Variants in LILRB4 observed in about 807,000 individuals in gnomAD.
LILRB4 encodes leukocyte immunoglobulin like receptor B4, also known as leukocyte immunoglobulin-like receptor subfamily B member 4.
In LILRB4, 49 loss-of-function variants were observed where a neutral mutation model predicts 55.2. That is an observed-to-expected ratio of 0.89 (90% confidence interval 0.71 to 1.13). The LOEUF is 1.13. LILRB4 is among the 50% of genes most tolerant of loss of function. The pLI is 0.00. For missense variants in LILRB4, 590 were observed against 555.2 expected, an observed-to-expected ratio of 1.06 and a Z score of -0.63; for synonymous variants, 229 against 213.8, an observed-to-expected ratio of 1.07 and a Z score of -0.62.
At chr19:54,667,736 G>A (rs2065355528) in exon 11 of LILRB4, 14 of 1,611,424 alleles carry the variant, frequency 8.7e-6, no homozygotes, top group Non-Finnish European at 1.2e-5. Flanking sequence ...CACTGTCTGG[G>A]GAATTCCTGG....
intron 4 of LILRB4, 66 bp from the exon 5 acceptor site, chr19:54,664,733 T>A: frequency 7.8e-7 from 1 of 1,280,726 alleles, no homozygotes; most frequent in Non-Finnish European, 1.1e-6. Flanking sequence ...TAGGGAGAGG[T>A]TCAATTTGAT....
intron 4 of LILRB4, 47 bp downstream of exon 4, chr19:54,664,532 T>A (rs7253814): frequency 0.066 from 101,718 of 1,537,560 alleles, 3,891 homozygotes; most frequent in African/African-American, 0.17. Context: ...GCTCCGTTCA[T>A]GCCCTGCTGC....
chr19:54,666,514 A>G lies in LILRB4; in HGVS notation c.988+78A>G, dbSNP rs1399522329. On this transcript the variant is annotated intron_variant, in intron 9 of 11. Coordinates refer to ENST00000430952, the Ensembl canonical transcript of LILRB4. The surrounding 1 kb of genome is among the most constrained non-coding windows in gnomAD (Gnocchi z 4.8). The stretch of plus-strand genomic sequence containing the variant: ...TTTCAATAGCAATGGGGGCAGGAGC[A>G]CAGGCTAGGATTGGTCAGGGACTCA... 7.7e-6 allele frequency: 12 copies of G among 1,553,994 alleles called. No individual in the cohort carries two copies. In the Admixed American group the frequency reaches 2.0e-4, roughly 26 times the overall value.
At chr19:54,664,289 T>C (rs3745871) in exon 4 of LILRB4, 1,012,394 of 1,613,842 alleles carry the variant, frequency 0.63, 319,685 homozygotes, top group African/African-American at 0.69. Context: ...TGGACACTTT[T>C]CTTCTGATCA....
chr19:54,665,887 T>C lies in LILRB4; in HGVS notation c.830T>C (p.Phe277Ser), dbSNP rs1180436376. Reference sequence around the variant, plus strand: ...ATCCTGCTTCTCTCCCTCCTCCTCTTCCTCCTCCTCCAACACTGGCGTCAG... The same window carrying C: ...ATCCTGCTTCTCTCCCTCCTCCTCTCCCTCCTCCTCCAACACTGGCGTCAG... Residue 277 changes from phenylalanine (F) to serine (S), a missense_variant, in exon 7 of 12, where the codon TTC becomes TCC. Coordinates refer to ENST00000430952, the Ensembl canonical transcript of LILRB4. The surrounding 1 kb of genome is among the most constrained non-coding windows in gnomAD (Gnocchi z 5.5). The C allele has an allele frequency of 1.2e-6, 2 of 1,612,956 alleles. No homozygotes were observed. The highest frequency in any genetic ancestry group is 1.3e-5 in the African/African-American group (1 of 74,642).
chr19:54,666,852 G>C lies in LILRB4; in HGVS notation c.1041+103G>C, dbSNP rs41308756. 1 of 1,140,652 alleles carries C rather than the reference G, an allele frequency of 8.8e-7. No homozygotes were observed. Among genetic ancestry groups the C allele is most frequent in the African/African-American group, 1.5e-5 (1 of 65,936 alleles). The allele number at this position is 1,140,652 out of a possible 1,614,324, so 70.7% of individuals were successfully genotyped here. ...TTCCCCCGGCTCTCAGCATCGTCACGGTGGACCCCTCCTTGTCCAGCACGC... is the reference window on the plus strand; with the variant it reads ...TTCCCCCGGCTCTCAGCATCGTCACCGTGGACCCCTCCTTGTCCAGCACGC... On this transcript the variant is annotated intron_variant, in intron 10 of 11. Transcript: ENST00000430952. The surrounding 1 kb of genome is among the most constrained non-coding windows in gnomAD (Gnocchi z 4.8).
At position 54,666,542 on chromosome 19, in the gene LILRB4, G is replaced by C; in HGVS notation, c.988+106G>C. On this transcript the variant is annotated intron_variant, in intron 9 of 11. Coordinates refer to ENST00000430952, the Ensembl canonical transcript of LILRB4. This position sits in a 1 kb window ranked among gnomAD's most constrained non-coding sequence, Gnocchi z 4.8. ...GGCTAGGATTGGTCAGGGACTCAGGGAGAAGTGGTCTGAACCCACATTGTG... is the reference window on the plus strand; with the variant it reads ...GGCTAGGATTGGTCAGGGACTCAGGCAGAAGTGGTCTGAACCCACATTGTG... 6.7e-7 allele frequency: 1 copy of C among 1,490,194 alleles called. No individual in the cohort carries two copies. The highest frequency in any genetic ancestry group is 1.8e-5 in the Admixed American group (1 of 56,776). 92.3% of individuals were successfully genotyped at this position (1,490,194 alleles called of 1,614,324 possible). A position where few individuals can be genotyped will look rare whatever the true frequency, so the allele number is the denominator to read the frequency against.
Position 54,663,077 on chromosome 19 carries a change from A to C in LILRB4, c.34+10A>C. The C allele has an allele frequency of 1.9e-6, 3 of 1,611,288 alleles. No individual in the cohort carries two copies. The highest frequency in any genetic ancestry group is 2.5e-6 in the Non-Finnish European group (3 of 1,178,340). ...GCTCTGCTCTGCCTCGGTGAGATTT[A>C]AAGAGGGGGAGGGGAGACCCGAGTC... On this transcript the variant is annotated intron_variant, in intron 1 of 11. Transcript: ENST00000430952.
At chr19:54,667,487 G>C (rs995769233) in intron 10 of LILRB4, 148 bp from the exon 11 acceptor site, 141 of 1,425,712 alleles carry the variant, frequency 9.9e-5, no homozygotes, top group Non-Finnish European at 1.2e-4. Context: ...CACAGGGAGG[G>C]AGCGGCCAGA....
At position 54,667,457 on chromosome 19, in the gene LILRB4, T is replaced by G. The variant is rs539390778; in HGVS notation, c.1042-181T>G. 286 of 1,289,290 alleles carry G rather than the reference T, an allele frequency of 2.2e-4. No individual in the cohort carries two copies. The African/African-American group carries it at 3.8e-3, about 17-fold the overall frequency. The allele number at this position is 1,289,290 out of a possible 1,614,324, so 79.9% of individuals were successfully genotyped here. ...TGCAGCCAAATGGGCAAGGTCAGAG[T>G]GAGGAGCAGAGACCAGAACCACAGG... On this transcript the variant is annotated intron_variant, in intron 10 of 11. Coordinates refer to ENST00000430952, the Ensembl canonical transcript of LILRB4.
At chr19:54,663,757 C>A (rs755568653) in exon 3 of LILRB4, 1 of 1,613,970 alleles carries the variant, frequency 6.2e-7, no homozygotes. Context: ...CTTCCAGGGC[C>A]CCTCCCCAAA....
rs1328702878 is a variant in LILRB4 at position 54,665,886 on chromosome 19, T to TTCC, written c.839_841dup (p.Leu280dup). 1.9e-6 allele frequency: 3 copies of TTCC among 1,613,468 alleles called. No homozygotes were observed. Among genetic ancestry groups the TTCC allele is most frequent in the Admixed American group, 1.7e-5 (1 of 59,952 alleles). On this transcript the variant is annotated inframe_insertion, in exon 7 of 12. Coordinates refer to ENST00000430952, the Ensembl canonical transcript of LILRB4. This position sits in a 1 kb window ranked among gnomAD's most constrained non-coding sequence, Gnocchi z 5.5. ...CATCCTGCTTCTCTCCCTCCTCCTCTTCCTCCTCCTCCAACACTGGCGTCA... is the reference window on the plus strand; with the variant it reads ...CATCCTGCTTCTCTCCCTCCTCCTCTTCCTCCTCCTCCTCCAACACTGGCGTCA...
In LILRB4 at chr19:54,666,449, C is replaced by T. The variant is rs772626115; in HGVS notation, c.988+13C>T. On this transcript the variant is annotated intron_variant, in intron 9 of 11. Transcript: ENST00000430952. This position sits in a 1 kb window ranked among gnomAD's most constrained non-coding sequence, Gnocchi z 4.8. ...GGAGAAAACTTCTGTGAGTGAGAGG[C>T]AGAGAAGGTGCACCTGGGGTGGAGC... The T allele has an allele frequency of 8.7e-6, 14 of 1,613,906 alleles. No individual in the cohort carries two copies. In the African/African-American group the frequency reaches 1.3e-4, roughly 15 times the overall value.
At chr19:54,663,125 C>CCAGG in intron 1 of LILRB4, 58 bp downstream of exon 1, 3 of 1,575,932 alleles carry the variant, frequency 1.9e-6, no homozygotes, top group Non-Finnish European at 2.6e-6. Context: ...TGCCTCACAG[C>CCAGG]CAGGCCCTGG....
chr19:54,663,339 G>A (rs1241788614), intron 1 of LILRB4, among the ~76,000 whole-genome samples, 193 bp from the exon 2 acceptor site: 2 of 151,218 alleles, frequency 1.3e-5, no homozygotes, highest in South Asian at 2.1e-4. Context: ...CCAGCCACTC[G>A]GGAGGCTGAG....
chr19:54,666,384 C>T lies in LILRB4; in HGVS notation c.951-15C>T, dbSNP rs201397445. On this transcript the variant is annotated splice_polypyrimidine_tract_variant and intron_variant, in intron 8 of 11. Coordinates refer to ENST00000430952, the Ensembl canonical transcript of LILRB4. The surrounding 1 kb of genome is among the most constrained non-coding windows in gnomAD (Gnocchi z 4.8). Reference sequence around the variant, plus strand: ...CCACCTCACTGTCCCCTTACACTCCCGTATCCTCCCCCAGGTCCAGCCCAG... The same window carrying T: ...CCACCTCACTGTCCCCTTACACTCCTGTATCCTCCCCCAGGTCCAGCCCAG... 1.8e-4 allele frequency: 287 copies of T among 1,613,768 alleles called. No individual in the cohort carries two copies. The highest frequency in any genetic ancestry group is 3.5e-4 in the African/African-American group (26 of 74,918).
exon 5 of LILRB4, chr19:54,664,827 C>G (rs749254351): frequency 9.9e-6 from 16 of 1,609,418 alleles, no homozygotes; most frequent in Non-Finnish European, 1.4e-5. Context: ...GGCCCTCACC[C>G]ACAAGGTCCG....
chr19:54,667,974 C>A (rs1215252855), exon 12 of LILRB4: 1 of 1,614,078 alleles, frequency 6.2e-7, no homozygotes, highest in Non-Finnish European at 8.5e-7. Flanking sequence ...AGGAAGGGGC[C>A]TCTCCAGCTG....
intron 10 of LILRB4, chr19:54,667,257 G>A (rs1003716886): frequency 6.9e-6 from 4 of 575,638 alleles, no homozygotes; most frequent in African/African-American, 5.5e-5. Flanking sequence ...GAGAGTGTGG[G>A]GCAGTGGGGC....
Sources: gnomAD v4.1 joint callset for allele counts (sites outside exome capture counted in the v4.1 genomes callset) on GRCh38, gnomAD v4.1.1 for gene constraint, Gnocchi (gnomAD v3.1) non-coding constraint, MANE v1.5 for transcripts, NCBI Gene and HGNC (gene_info 2026-07-23, HGNC 2026-07-21) for gene names.